Variants in INSR observed in about 807,000 individuals in gnomAD.
The protein encoded by INSR is IR.
In INSR, 67 loss-of-function variants were observed where a neutral mutation model predicts 142.6. The observed-to-expected ratio is 0.47, with a 90% confidence interval of 0.39 to 0.58. The LOEUF (loss-of-function observed/expected upper bound fraction) is 0.58. Among genes scored for constraint, INSR ranks in the 20% least tolerant of loss-of-function variants. The pLI is 0.00. For missense variants in INSR, 1,248 were observed against 1,833.2 expected, an observed-to-expected ratio of 0.68 and a Z score of 5.83; for synonymous variants, 756 against 743.1, an observed-to-expected ratio of 1.02 and a Z score of -0.28.
intron 2 of INSR, among the ~76,000 whole-genome samples, chr19:7,221,850 G>A (rs1380214946): frequency 5.3e-5 from 8 of 152,052 alleles, no homozygotes. Flanking sequence ...CCACTTACCA[G>A]GACACAGGAA....
chr19:7,195,931 CTT>C (rs903162924), intron 2 of INSR, among the ~76,000 whole-genome samples: 13,464 of 54,522 alleles, frequency 0.25, 506 homozygotes, highest in African/African-American at 0.34. Context: ...TCTTTTCTTT[CTT>C]TTTTTTTTTT....
At chr19:7,117,456 C>T in intron 21 of INSR, 46 bp from the exon 22 acceptor site, 1 of 1,446,136 alleles carries the variant, frequency 6.9e-7, no homozygotes, top group Non-Finnish European at 9.6e-7. Flanking sequence ...GGGGCCCTGC[C>T]ACGCATCCTC....
At position 7,223,196 on chromosome 19, in the gene INSR, CAAAAA is replaced by C. The variant is rs200208933; in HGVS notation, c.653-38564_653-38560del. The stretch of plus-strand genomic sequence containing the variant: ...AGACTCTGTCTCAAAGACAAACAAA[CAAAAA>C]AAACCAACTGGCTAAAACTAAAGAG... On this transcript the variant is annotated intron_variant, in intron 2 of 21. Transcript: ENST00000302850. 6.3e-4 allele frequency among the ~76,000 whole-genome samples: 96 copies of C among 151,760 alleles called. 3 individuals carry two copies. In the East Asian group the frequency reaches 0.017, roughly 27 times the overall value.
chr19:7,131,687 C>CAT lies in INSR; in HGVS notation c.2842+470_2842+471insAT, dbSNP rs1555736704. Among the ~76,000 whole-genome samples, 880 of 122,024 alleles carry CAT rather than the reference C, an allele frequency of 7.2e-3. 7 individuals are homozygous for CAT. Among genetic ancestry groups the CAT allele is most frequent in the Non-Finnish European group, 9.9e-3 (604 of 60,922 alleles). 80.1% of individuals were successfully genotyped at this position (122,024 alleles called of 152,430 possible). On this transcript the variant is annotated intron_variant, in intron 14 of 21. Transcript: ENST00000302850. ...ATGAACTGCACAGGTACCTCTGAAA[C>CAT]TTTTTTTTTTTTTTTTAAGTGCAGG... is the stretch of plus-strand genomic sequence containing the variant.
Position 7,159,391 on chromosome 19 carries a change from T to C in INSR, c.2029+3641A>G, listed in dbSNP as rs982443185. 6.6e-5 allele frequency: 10 copies of C among 152,104 alleles called. No homozygotes were observed. The highest frequency in any genetic ancestry group is 2.4e-4 in the African/African-American group (10 of 41,426). The allele number at this position is 152,104 out of a possible 1,614,324, so 9.4% of individuals were successfully genotyped here. A position where few individuals can be genotyped will look rare whatever the true frequency, so the allele number is the denominator to read the frequency against. On this transcript the variant is annotated intron_variant, in intron 9 of 21. Coordinates refer to ENST00000302850, the MANE Select transcript of INSR (RefSeq NM_000208.4). The surrounding 1 kb of genome is among the most constrained non-coding windows in gnomAD (Gnocchi z 4.3). ...TCTGTCTCTATGAATCTGAGGACTCTAGGGACCTCCTAGGAGTGAAATCAC... is the reference window on the plus strand; with the variant it reads ...TCTGTCTCTATGAATCTGAGGACTCCAGGGACCTCCTAGGAGTGAAATCAC...
chr19:7,259,126 A>T (rs374625361), intron 2 of INSR, among the ~76,000 whole-genome samples: 123 of 31,764 alleles, frequency 3.9e-3, no homozygotes, highest in South Asian at 5.6e-3. Context: ...CTTTCCTTTT[A>T]TTTCTTCCCT....
chr19:7,275,914 G>C (rs1203129414), intron 1 of INSR, among the ~76,000 whole-genome samples: 2 of 152,024 alleles, frequency 1.3e-5, no homozygotes, highest in East Asian at 3.9e-4. Flanking sequence ...GAGCTGTATT[G>C]GACCGTGCTG....
intron 11 of INSR, among the ~76,000 whole-genome samples, chr19:7,149,741 G>A (rs901693228): frequency 6.6e-6 from 1 of 151,844 alleles, no homozygotes; most frequent in African/African-American, 2.4e-5. Flanking sequence ...AGAATTGCTT[G>A]AACCCGGGAG....
chr19:7,140,895 G>A (rs73498779), intron 13 of INSR, among the ~76,000 whole-genome samples: 7,166 of 151,822 alleles, frequency 0.047, 500 homozygotes, highest in African/African-American at 0.15. Flanking sequence ...GGGACATACA[G>A]TGAGCCCTGG....
intron 13 of INSR, among the ~76,000 whole-genome samples, chr19:7,135,022 A>G (rs1972874598): frequency 6.9e-6 from 1 of 145,102 alleles, no homozygotes; most frequent in South Asian, 2.3e-4. Context: ...CCAAGCTAAT[A>G]GTGCATGCAG....
At chr19:7,282,774 A>G (rs1340557210) in intron 1 of INSR, among the ~76,000 whole-genome samples, 8 of 151,782 alleles carry the variant, frequency 5.3e-5, no homozygotes, top group Non-Finnish European at 1.0e-4. Context: ...TCACGAGGTC[A>G]GGAGATCGAG....
chr19:7,261,571 G>T (rs952434207), intron 2 of INSR, among the ~76,000 whole-genome samples: 3 of 151,176 alleles, frequency 2.0e-5, no homozygotes, highest in Admixed American at 6.6e-5. Flanking sequence ...CACTCTGTCG[G>T]CCAGGCTGGG....
Position 7,267,245 on chromosome 19 carries a change from C to T in INSR, c.652+100G>A. On this transcript the variant is annotated intron_variant, in intron 2 of 21. Transcript: ENST00000302850. The surrounding 1 kb of genome is among the most constrained non-coding windows in gnomAD (Gnocchi z 6.3). ...TGCCACCACCCACTATTCCCCGGCC[C>T]CTACCTAATGACCATTTAACATTTT... 7.8e-7 allele frequency: 1 copy of T among 1,289,650 alleles called. No homozygotes were observed. Among genetic ancestry groups the T allele is most frequent in the Non-Finnish European group, 1.1e-6 (1 of 897,250 alleles). 79.9% of individuals were successfully genotyped at this position (1,289,650 alleles called of 1,614,324 possible). A position where few individuals can be genotyped will look rare whatever the true frequency, so the allele number is the denominator to read the frequency against.
chr19:7,292,470 T>TGGGGGGGGGGG (rs755617421), intron 1 of INSR, among the ~76,000 whole-genome samples: 1 of 100,782 alleles, frequency 9.9e-6, no homozygotes, highest in African/African-American at 3.7e-5. Flanking sequence ...GGGGCGGGGC[T>TGGGGGGGGGGG]GGGGGGGGGT....
chr19:7,120,872 C>T, intron 19 of INSR, 123 bp from the exon 20 acceptor site: 7 of 1,277,596 alleles, frequency 5.5e-6, no homozygotes, highest in Non-Finnish European at 7.9e-6. Context: ...TCTGCGCTCA[C>T]CTGGGTGGTG....
intron 3 of INSR, among the ~76,000 whole-genome samples, chr19:7,180,529 C>CAAAA (rs57184012): frequency 3.3e-5 from 3 of 91,928 alleles, no homozygotes; most frequent in African/African-American, 4.4e-5. Flanking sequence ...GACCTTGTCT[C>CAAAA]AAAAAAAAAA....
rs183627660 is a variant in INSR, at chr19:7,291,089, T to C, written c.100+2703A>G. On this transcript the variant is annotated intron_variant, in intron 1 of 21. Coordinates refer to ENST00000302850, the MANE Select transcript of INSR (RefSeq NM_000208.4). ...CGTCTCAAAAAAAAAAAAGCCATAT[T>C]GGTTGACATTAGAGATTAATGATCT... is the stretch of plus-strand genomic sequence containing the variant. Among the ~76,000 whole-genome samples, 764 of 151,732 alleles carry C rather than the reference T, an allele frequency of 5.0e-3. 7 individuals are homozygous for C. Among genetic ancestry groups the C allele is most frequent in the African/African-American group, 0.018 (729 of 41,368 alleles).
chr19:7,196,682 C>T (rs1252920036), intron 2 of INSR, among the ~76,000 whole-genome samples: 2 of 151,732 alleles, frequency 1.3e-5, no homozygotes, highest in East Asian at 3.9e-4. Context: ...GATAGCTCCA[C>T]ATATGTTAAT....
At chr19:7,231,457 C>T (rs538704261) in intron 2 of INSR, among the ~76,000 whole-genome samples, 20 of 151,852 alleles carry the variant, frequency 1.3e-4, no homozygotes, top group Non-Finnish European at 2.2e-4. Flanking sequence ...CCCAACACCA[C>T]GCCCTGCTAA....
Sources: gnomAD v4.1 joint callset for allele counts (sites outside exome capture counted in the v4.1 genomes callset) on GRCh38, gnomAD v4.1.1 for gene constraint, Gnocchi (gnomAD v3.1) non-coding constraint, MANE v1.5 for transcripts, NCBI Gene and HGNC (gene_info 2026-07-23, HGNC 2026-07-21) for gene names.